Variants in TMEM9 observed in about 807,000 individuals in gnomAD.
The protein encoded by TMEM9 is transmembrane protein 9.
In TMEM9, 13 loss-of-function variants were observed where a neutral mutation model predicts 22.8. That is an observed-to-expected ratio of 0.57 (90% CI 0.37 to 0.91). The LOEUF (loss-of-function observed/expected upper bound fraction) is 0.91, where lower values mean the gene tolerates loss of function less well. Among genes scored for constraint, TMEM9 ranks in the 40% least tolerant of loss-of-function variants. The pLI is 0.01. For synonymous variants in TMEM9, 88 were observed against 93.0 expected (o/e 0.95, Z 0.31); for missense variants, 182 against 238.1 (o/e 0.76, Z 1.55).
intron 2 of TMEM9, among the ~76,000 whole-genome samples, chr1:201,149,835 G>A (rs777910696): frequency 6.6e-6 from 1 of 152,152 alleles, no homozygotes; most frequent in African/African-American, 2.4e-5. Flanking sequence ...CTACCCTTAA[G>A]AGGCTCCAGG....
chr1:201,142,569 T>G (rs1295454136), intron 4 of TMEM9, among the ~76,000 whole-genome samples: 1 of 152,260 alleles, frequency 6.6e-6, no homozygotes, highest in African/African-American at 2.4e-5. Context: ...TTTCTTTTCC[T>G]TTAAGCTAAA....
chr1:201,139,327 C>CAA (rs1664297771), intron 4 of TMEM9, among the ~76,000 whole-genome samples: 1 of 152,238 alleles, frequency 6.6e-6, no homozygotes, highest in Non-Finnish European at 1.5e-5. Flanking sequence ...CAAAGCCCTT[C>CAA]AGCAAGAGGA....
Position 201,138,049 on chromosome 1 carries a change from T to C in TMEM9, c.400-2234A>G, listed in dbSNP as rs375842277. On this transcript the variant is annotated intron_variant, in intron 4 of 4. Coordinates refer to ENST00000367330, the MANE Select transcript of TMEM9 (RefSeq NM_001288565.2). ...CCGGGACTTGGCTCTGGGGGCTGGA[T>C]TGCCTTCTCTTCTTCTTTCCATTCC... 6.9e-4 allele frequency among the ~76,000 whole-genome samples: 105 copies of C among 152,244 alleles called. 1 individual carries two copies. Among genetic ancestry groups the C allele is most frequent in the African/African-American group, 2.1e-3 (89 of 41,550 alleles).
intron 4 of TMEM9, among the ~76,000 whole-genome samples, chr1:201,140,346 G>A (rs1664412207): frequency 6.6e-6 from 1 of 152,204 alleles, no homozygotes; most frequent in Non-Finnish European, 1.5e-5. Flanking sequence ...ATCTAAAACA[G>A]CTCTGTTTGC....
chr1:201,166,308 T>TCA (rs906553104), intron 1 of TMEM9, among the ~76,000 whole-genome samples: 1 of 151,772 alleles, frequency 6.6e-6, no homozygotes, highest in Non-Finnish European at 1.5e-5. Context: ...TGTATGAGCT[T>TCA]CACAATCTTT....
upstream of TMEM9, among the ~76,000 whole-genome samples, chr1:201,159,213 C>T (rs890780638): frequency 6.6e-6 from 1 of 152,194 alleles, no homozygotes; most frequent in African/African-American, 2.4e-5. Context: ...TACAAAGGAG[C>T]GCTTGACCCA....
At chr1:201,157,315 GTTCT>G (rs1243734877), upstream of TMEM9, among the ~76,000 whole-genome samples, 17 of 152,284 alleles carry the variant, frequency 1.1e-4, no homozygotes, top group Non-Finnish European at 1.8e-4. Context: ...ATGTTGCCCA[GTTCT>G]TTCTTACTGT....
At chr1:201,137,952 C>T (rs1050884170) in intron 4 of TMEM9, among the ~76,000 whole-genome samples, 1 of 152,202 alleles carries the variant, frequency 6.6e-6, no homozygotes, top group Non-Finnish European at 1.5e-5. Context: ...CAAGCCTCCA[C>T]CCAGTCCTGC....
At chr1:201,142,857 C>T (rs919559727) in intron 4 of TMEM9, among the ~76,000 whole-genome samples, 8 of 152,222 alleles carry the variant, frequency 5.3e-5, no homozygotes, top group Non-Finnish European at 7.3e-5. Flanking sequence ...CCGAGGCACA[C>T]GGGGCTGTGC....
At chr1:201,165,634 G>A (rs1969874) in intron 1 of TMEM9, among the ~76,000 whole-genome samples, 135,973 of 152,026 alleles carry the variant, frequency 0.89, 60,825 homozygotes, top group East Asian at 0.92. Flanking sequence ...ATGGGGTTTC[G>A]CCATGTTGGC....
intron 4 of TMEM9, among the ~76,000 whole-genome samples, chr1:201,141,371 C>T (rs988786886): frequency 7.9e-5 from 12 of 152,254 alleles, no homozygotes; most frequent in African/African-American, 2.6e-4. Flanking sequence ...AGTTGCTGAA[C>T]CACAGACATC....
At chr1:201,152,138 G>A (rs1464458388) in intron 1 of TMEM9, among the ~76,000 whole-genome samples, 1 of 148,956 alleles carries the variant, frequency 6.7e-6, no homozygotes, top group East Asian at 2.0e-4. Flanking sequence ...AGAGGAATGC[G>A]GGGAGAGGGA....
chr1:201,138,406 C>T (rs1477570613), intron 4 of TMEM9, among the ~76,000 whole-genome samples: 1 of 152,242 alleles, frequency 6.6e-6, no homozygotes, highest in Non-Finnish European at 1.5e-5. Context: ...AAAGACTCCA[C>T]ATCTGTTTCA....
chr1:201,168,311 C>A (rs753497443), intron 1 of TMEM9, among the ~76,000 whole-genome samples: 2 of 152,082 alleles, frequency 1.3e-5, no homozygotes, highest in Non-Finnish European at 2.9e-5. Context: ...TCAGTGTTAT[C>A]CCCATACACA....
chr1:201,146,819 G>A lies in TMEM9; in HGVS notation c.188C>T (p.Pro63Leu). 2 of 1,614,210 alleles carry A rather than the reference G, an allele frequency of 1.2e-6. No individual in the cohort carries two copies. Among genetic ancestry groups the A allele is most frequent in the Non-Finnish European group, 1.7e-6 (2 of 1,180,038 alleles). Residue 63 changes from proline (P) to leucine (L), a missense_variant, in exon 3 of 5, where the codon CCA becomes CTA. By Grantham distance (98) the Pro-to-Leu change is moderately conservative. Transcript: ENST00000367330. ...CNCLHVVEPM[P>L]VPGHDVEAYC... Reference sequence around the variant, plus strand: ...GGCCTCCACGTCATGGCCAGGCACTGGCATGGGCTCCACCACGTGCAGGCA... The same window carrying A: ...GGCCTCCACGTCATGGCCAGGCACTAGCATGGGCTCCACCACGTGCAGGCA...
chr1:201,151,837 G>A lies in TMEM9; in HGVS notation c.82C>T (p.Arg28Trp), dbSNP rs780198950. The A allele has an allele frequency of 1.9e-6, 3 of 1,613,458 alleles. No homozygotes were observed. The highest frequency in any genetic ancestry group is 2.5e-6 in the Non-Finnish European group (3 of 1,179,908). Reference sequence around the variant, plus strand: ...TAAGGTGGACAGATGCATTTGCACCGGATATCTTCAGAACTCTGGAAAAGA... The same window carrying A: ...TAAGGTGGACAGATGCATTTGCACCAGATATCTTCAGAACTCTGGAAAAGA... ...AEANKSSEDIRCKCICPPYRN... is the reference protein window; with the variant it reads ...AEANKSSEDIWCKCICPPYRN... Residue 28 changes from arginine to tryptophan, a missense_variant, in exon 2 of 5, where the codon CGG (arginine) becomes TGG (tryptophan). Coordinates refer to ENST00000367330, the MANE Select transcript of TMEM9 (RefSeq NM_001288565.2).
At chr1:201,139,764 T>C (rs1664349048) in intron 4 of TMEM9, among the ~76,000 whole-genome samples, 1 of 152,214 alleles carries the variant, frequency 6.6e-6, no homozygotes, top group Admixed American at 6.5e-5. Context: ...CTTGTAAAGC[T>C]TCCATACACA....
chr1:201,166,880 G>C (rs1666091949), intron 1 of TMEM9, among the ~76,000 whole-genome samples: 1 of 152,208 alleles, frequency 6.6e-6, no homozygotes, highest in African/African-American at 2.4e-5. Flanking sequence ...CAGCTCTGCT[G>C]TTAAATCTCT....
In TMEM9 at chr1:201,146,766, C is replaced by T. The variant is rs1352673235; in HGVS notation, c.241G>A (p.Glu81Lys). Residue 81 changes from glutamate to lysine, a missense_variant, in exon 3 of 5, where the codon GAG (glutamate) becomes AAG (lysine). Coordinates refer to ENST00000367330, the MANE Select transcript of TMEM9 (RefSeq NM_001288565.2). ...TTGATGGTGGTGGTGCTGCGCTCCT[C>T]GTACCTGCACTCGCACAGCAGGCAG... is the stretch of plus-strand genomic sequence containing the variant. ...AYCLLCECRY[E>K]ERSTTTIKVI... 1 of 1,614,242 alleles carries T rather than the reference C, an allele frequency of 6.2e-7. No individual in the cohort carries two copies. The highest frequency in any genetic ancestry group is 8.5e-7 in the Non-Finnish European group (1 of 1,180,042).
Sources: allele counts gnomAD v4.1 joint callset (sites outside exome capture counted in the v4.1 genomes callset), GRCh38; gene constraint gnomAD v4.1.1; transcripts MANE v1.5; gene names NCBI Gene and HGNC (gene_info 2026-07-23, HGNC 2026-07-21).